Variants in MDGA2 observed in about 807,000 individuals in gnomAD.
MDGA2 encodes MAM domain-containing glycosylphosphatidylinositol anchor protein 2.
In MDGA2, 40 loss-of-function variants were observed where a neutral mutation model predicts 117.8. That is an observed-to-expected ratio of 0.34 (90% CI 0.26 to 0.44). The LOEUF is 0.44. Among genes scored for constraint, MDGA2 ranks in the 20% least tolerant of loss-of-function variants. MDGA2 has a pLI of 1.00. For synonymous variants in MDGA2, 452 were observed against 439.0 expected (o/e 1.03, Z -0.37); for missense variants, 1,123 against 1,250.6 (o/e 0.90, Z 1.54).
At chr14:47,620,936 G>A (rs575977708) in intron 1 of MDGA2, among the ~76,000 whole-genome samples, 3 of 152,144 alleles carry the variant, frequency 2.0e-5, no homozygotes, top group African/African-American at 2.4e-5. Flanking sequence ...GTCCAATTAC[G>A]ACTGTAATCA....
intron 8 of MDGA2, among the ~76,000 whole-genome samples, chr14:47,011,509 T>G (rs566850478): frequency 6.6e-6 from 1 of 152,138 alleles, no homozygotes; most frequent in Non-Finnish European, 1.5e-5. Context: ...ACCCATAGAA[T>G]GTTTCATCAA....
intron 8 of MDGA2, among the ~76,000 whole-genome samples, chr14:46,958,635 A>C (rs2138261830): frequency 6.6e-6 from 1 of 152,366 alleles, no homozygotes; most frequent in East Asian, 1.9e-4. Context: ...TAACAGTGTC[A>C]GTCATGAAGA....
At chr14:47,288,377 C>T (rs1888761419) in intron 2 of MDGA2, among the ~76,000 whole-genome samples, 1 of 152,092 alleles carries the variant, frequency 6.6e-6, no homozygotes, top group South Asian at 2.1e-4. Flanking sequence ...GAGAGTTGTT[C>T]TGATTATGTA....
At chr14:47,667,399 A>G (rs1897995222) in intron 1 of MDGA2, among the ~76,000 whole-genome samples, 1 of 152,178 alleles carries the variant, frequency 6.6e-6, no homozygotes, top group South Asian at 2.1e-4. Flanking sequence ...AAATCCCACA[A>G]TCCATCAGTG....
intron 6 of MDGA2, among the ~76,000 whole-genome samples, chr14:47,094,393 AGGTAG>A (rs1879844383): frequency 1.3e-5 from 2 of 152,034 alleles, no homozygotes; most frequent in Admixed American, 1.3e-4. Flanking sequence ...GAAAACTGTT[AGGTAG>A]GGTAGAGAGG....
chr14:47,079,576 T>C (rs550218414), intron 6 of MDGA2, among the ~76,000 whole-genome samples: 1 of 152,178 alleles, frequency 6.6e-6, no homozygotes, highest in South Asian at 2.1e-4. Context: ...AATAGCCAAA[T>C]TATCCCTTTG....
At chr14:47,200,001 TG>T in intron 3 of MDGA2, among the ~76,000 whole-genome samples, 1 of 100,002 alleles carries the variant, frequency 1.0e-5, no homozygotes, top group African/African-American at 4.0e-5. Context: ...CCAAATGCAA[TG>T]AATAAGGGTA....
chr14:47,355,786 C>T (rs1013803610), intron 1 of MDGA2, among the ~76,000 whole-genome samples: 1 of 152,178 alleles, frequency 6.6e-6, no homozygotes, highest in African/African-American at 2.4e-5. Context: ...GCTTCCTATT[C>T]CCACTCCCAG....
chr14:47,622,533 T>C (rs1046657515), intron 1 of MDGA2, among the ~76,000 whole-genome samples: 1 of 152,162 alleles, frequency 6.6e-6, no homozygotes, highest in African/African-American at 2.4e-5. Flanking sequence ...ATGGAAAGAA[T>C]GTTTCAGGTA....
chr14:47,449,482 A>G (rs1199019974), intron 1 of MDGA2, among the ~76,000 whole-genome samples: 1 of 152,264 alleles, frequency 6.6e-6, no homozygotes, highest in African/African-American at 2.4e-5. Context: ...GTTTTATTTC[A>G]AAGGAGCATA....
chr14:46,985,558 CAAAAAGATATTACGTACTT>C (rs1451032603), intron 8 of MDGA2, among the ~76,000 whole-genome samples: 1 of 151,836 alleles, frequency 6.6e-6, no homozygotes, highest in Non-Finnish European at 1.5e-5. Context: ...ACTGTGCTGT[CAAAAAGATATTACGTACTT>C]AAAAAGAATC....
intron 1 of MDGA2, among the ~76,000 whole-genome samples, chr14:47,608,525 A>G (rs566080151): frequency 1.3e-5 from 2 of 152,292 alleles, no homozygotes; most frequent in East Asian, 1.9e-4. Flanking sequence ...ATGCACGTCC[A>G]TATATGAAGA....
chr14:47,179,026 A>C (rs554167564), intron 3 of MDGA2, among the ~76,000 whole-genome samples: 1 of 152,244 alleles, frequency 6.6e-6, no homozygotes, highest in East Asian at 1.9e-4. Flanking sequence ...GGACTTTGGT[A>C]GATAACCGGT....
intron 1 of MDGA2, among the ~76,000 whole-genome samples, chr14:47,378,350 T>C (rs1014396630): frequency 2.0e-5 from 3 of 152,148 alleles, no homozygotes; most frequent in Non-Finnish European, 2.9e-5. Context: ...GGAACAAAGC[T>C]GGACAGAGAA....
intron 8 of MDGA2, among the ~76,000 whole-genome samples, chr14:46,979,661 C>A (rs1446739455): frequency 2.0e-5 from 3 of 152,136 alleles, no homozygotes; most frequent in African/African-American, 7.2e-5. Flanking sequence ...ATGCCCTTAA[C>A]CCAAACCCTA....
At position 46,840,924 on chromosome 14, in the gene MDGA2, C is replaced by T. The variant is rs969512146; in HGVS notation, c.*1007G>A. ...CATGGCTGTCTAGGAGGTTAAACAA[C>T]AAATATCTTGTCTGCATGGGCTTAC... On this transcript the variant is annotated 3_prime_UTR_variant, in exon 17 of 17. Transcript: ENST00000399232. The T allele has an allele frequency of 6.6e-6, 1 of 152,556 alleles. No individual in the cohort carries two copies. The highest frequency in any genetic ancestry group is 1.5e-5 in the Non-Finnish European group (1 of 68,006). 9.5% of individuals were successfully genotyped at this position (152,556 alleles called of 1,614,324 possible).
At chr14:46,931,170 G>A (rs547311578) in intron 9 of MDGA2, among the ~76,000 whole-genome samples, 6 of 139,392 alleles carry the variant, frequency 4.3e-5, no homozygotes, top group Non-Finnish European at 6.0e-5. Context: ...AGCCAAGATC[G>A]CGCCACTACA....
At chr14:47,549,997 T>A (rs1895550174) in intron 1 of MDGA2, among the ~76,000 whole-genome samples, 1 of 152,212 alleles carries the variant, frequency 6.6e-6, no homozygotes, top group African/African-American at 2.4e-5. Flanking sequence ...ACAGCTACTA[T>A]CCCCAAATCT....
chr14:47,379,272 A>G (rs1891552149), intron 1 of MDGA2, among the ~76,000 whole-genome samples: 1 of 152,242 alleles, frequency 6.6e-6, no homozygotes, highest in Non-Finnish European at 1.5e-5. Context: ...GCCAAATTGT[A>G]AAGACCATCG....
Sources: gnomAD v4.1 joint callset for allele counts (sites outside exome capture counted in the v4.1 genomes callset) on GRCh38, gnomAD v4.1.1 for gene constraint, MANE v1.5 for transcripts, NCBI Gene and HGNC (gene_info 2026-07-23, HGNC 2026-07-21) for gene names.